NEBL: variants seen among roughly 807,000 people sequenced by gnomAD.
The protein encoded by NEBL is LIM and SH3 protein 2.
A neutral mutation model predicts 140.2 loss-of-function variants in NEBL; 122 were observed. The observed-to-expected ratio is 0.87, with a 90% CI of 0.75 to 1.01. The LOEUF (loss-of-function observed/expected upper bound fraction) is 1.01, where lower values mean the gene tolerates loss of function less well. NEBL is among the 50% of genes least tolerant of loss of function. NEBL has a pLI of 0.00. For synonymous variants in NEBL, 436 were observed against 398.9 expected, an observed-to-expected ratio of 1.09 and a Z score of -1.11; for missense variants, 1,365 against 1,231.3, an observed-to-expected ratio of 1.11 and a Z score of -1.62.
intron 26 of NEBL, among the ~76,000 whole-genome samples, chr10:20,806,193 T>C (rs1837601134): frequency 1.3e-5 from 2 of 152,088 alleles, no homozygotes; most frequent in South Asian, 4.1e-4. Context: ...GAGGAGAGAA[T>C]GCAAAGAGAC....
At chr10:21,010,052 T>C (rs1286228242) in intron 3 of NEBL, among the ~76,000 whole-genome samples, 5 of 152,260 alleles carry the variant, frequency 3.3e-5, no homozygotes, top group South Asian at 4.1e-4. Context: ...AGTGTCTAAG[T>C]AGTGTCCTCC....
At chr10:20,889,430 T>A (rs1332502600) in intron 3 of NEBL, among the ~76,000 whole-genome samples, 1 of 152,194 alleles carries the variant, frequency 6.6e-6, no homozygotes, top group Non-Finnish European at 1.5e-5. Flanking sequence ...ATCAAAGATA[T>A]CACATTTTAG....
intron 5 of NEBL, among the ~76,000 whole-genome samples, chr10:20,879,077 G>A (rs1257009675): frequency 2.6e-5 from 4 of 152,126 alleles, no homozygotes; most frequent in Non-Finnish European, 5.9e-5. Context: ...GGATTTCTCT[G>A]TCATTCTTTC....
chr10:21,089,055 A>G (rs1198734270), intron 2 of NEBL, among the ~76,000 whole-genome samples: 15 of 152,160 alleles, frequency 9.9e-5, no homozygotes, highest in Non-Finnish European at 1.5e-5. Context: ...GACAGAGGAG[A>G]CAGAAAAAGG....
intron 4 of NEBL, among the ~76,000 whole-genome samples, chr10:20,942,396 C>T (rs925271402): frequency 1.3e-5 from 2 of 152,178 alleles, no homozygotes; most frequent in African/African-American, 4.8e-5. Flanking sequence ...ATGTACAAAG[C>T]TGAAACTGGA....
chr10:20,941,338 T>C (rs915036005), intron 4 of NEBL, among the ~76,000 whole-genome samples: 2 of 152,248 alleles, frequency 1.3e-5, no homozygotes, highest in African/African-American at 2.4e-5. Context: ...AAAAACCACA[T>C]GATTATCTCA....
chr10:20,818,193 C>T (rs943867715), intron 20 of NEBL, among the ~76,000 whole-genome samples: 1 of 151,438 alleles, frequency 6.6e-6, no homozygotes, highest in Admixed American at 6.6e-5. Context: ...CCTACTCTTA[C>T]ATTTTGAAGT....
Position 21,258,661 on chromosome 10 carries a change from C to T in NEBL, n.183-6833G>A, listed in dbSNP as rs190528473. 1.6e-3 allele frequency among the ~76,000 whole-genome samples: 247 copies of T among 152,050 alleles called. 1 individual carries two copies. Among genetic ancestry groups the T allele is most frequent in the African/African-American group, 5.6e-3 (232 of 41,468 alleles). ...CGGAGGTTGCAGTGAGCTGAGATCACGCCATTGCACTCCAGCCTGGGTGAC... is the reference window on the plus strand; with the variant it reads ...CGGAGGTTGCAGTGAGCTGAGATCATGCCATTGCACTCCAGCCTGGGTGAC... On this transcript the variant is annotated intron_variant and non_coding_transcript_variant, in intron 1 of 8. Coordinates refer to the NEBL transcript ENST00000675702.
chr10:21,196,150 C>T (rs996602963), intron 3 of NEBL, among the ~76,000 whole-genome samples: 5 of 151,590 alleles, frequency 3.3e-5, no homozygotes, highest in Admixed American at 6.6e-5. Context: ...ATTACAGGCA[C>T]GCACCACCAT....
intron 2 of NEBL, chr10:21,069,888 A>G: frequency 2.4e-6 from 1 of 419,444 alleles, no homozygotes. Flanking sequence ...TTTTTAAAAG[A>G]ATAAGTCTTC....
chr10:21,236,040 C>CAAAA (rs1564547548), intron 3 of NEBL, among the ~76,000 whole-genome samples: 2 of 152,190 alleles, frequency 1.3e-5, no homozygotes, highest in Admixed American at 1.3e-4. Flanking sequence ...ACATTCATAA[C>CAAAA]CCCCGTAGTC....
intron 2 of NEBL, among the ~76,000 whole-genome samples, chr10:21,156,632 A>G (rs144848590): frequency 6.6e-6 from 1 of 152,132 alleles, no homozygotes; most frequent in Non-Finnish European, 1.5e-5. Context: ...ACTTATATAT[A>G]AAAAATGGCA....
chr10:20,800,287 G>A (rs1161494618), intron 26 of NEBL, among the ~76,000 whole-genome samples: 1 of 151,914 alleles, frequency 6.6e-6, no homozygotes, highest in East Asian at 1.9e-4. Context: ...CCCATATTAT[G>A]GCAAATGGCA....
At chr10:21,215,695 CT>C (rs1200749298) in intron 3 of NEBL, among the ~76,000 whole-genome samples, 1 of 152,154 alleles carries the variant, frequency 6.6e-6, no homozygotes, top group Non-Finnish European at 1.5e-5. Context: ...GGGTCTTACT[CT>C]GTCATCCAGT....
chr10:20,919,253 T>G (rs11012392), intron 4 of NEBL, among the ~76,000 whole-genome samples: 11,683 of 152,268 alleles, frequency 0.077, 611 homozygotes, highest in Middle Eastern at 0.16. Flanking sequence ...TGCAACGTAC[T>G]GGTTGAGAAC....
At chr10:20,886,063 C>G (rs1056572827) in intron 4 of NEBL, among the ~76,000 whole-genome samples, 4 of 152,164 alleles carry the variant, frequency 2.6e-5, no homozygotes, top group African/African-American at 4.8e-5. Context: ...ATAGCTAATG[C>G]ATGCTGGGCT....
intron 2 of NEBL, among the ~76,000 whole-genome samples, chr10:21,151,950 C>A (rs1361928968): frequency 6.6e-6 from 1 of 152,182 alleles, no homozygotes; most frequent in Admixed American, 6.5e-5. Flanking sequence ...AGAAGCTCCA[C>A]GAGGGCAGGA....
intron 3 of NEBL, among the ~76,000 whole-genome samples, chr10:21,007,993 C>A (rs1838201093): frequency 1.3e-5 from 2 of 152,086 alleles, no homozygotes; most frequent in South Asian, 4.2e-4. Flanking sequence ...GTTAGAGTGT[C>A]CAGCAGTGAA....
intron 9 of NEBL, among the ~76,000 whole-genome samples, chr10:20,853,430 GAATA>G (rs1842735667): frequency 1.3e-5 from 2 of 152,108 alleles, no homozygotes; most frequent in Admixed American, 6.5e-5. Flanking sequence ...ACAGATGAAT[GAATA>G]AAGAAAATGT....
Sources: allele counts gnomAD v4.1 joint callset (sites outside exome capture counted in the v4.1 genomes callset), GRCh38; gene constraint gnomAD v4.1.1; transcripts MANE v1.5; gene names NCBI Gene and HGNC (gene_info 2026-07-23, HGNC 2026-07-21).